Variants in DYNC1I2 observed in about 807,000 individuals in gnomAD.
DYNC1I2 encodes cytoplasmic dynein 1 intermediate chain 2.
Under a neutral mutation model 88.6 loss-of-function variants are expected in DYNC1I2, and 53 were observed. The ratio of observed to expected loss-of-function variants is 0.60; its 90% CI spans 0.48 to 0.75. DYNC1I2 has a LOEUF of 0.75. DYNC1I2 is among the 30% of genes least tolerant of loss of function. The pLI is 0.00. For synonymous variants in DYNC1I2, 198 were observed against 254.6 expected, an observed-to-expected ratio of 0.78 and a Z score of 2.12; for missense variants, 458 against 766.6, an observed-to-expected ratio of 0.60 and a Z score of 4.75.
At chr2:171,723,206 A>G (rs1179575951) in intron 7 of DYNC1I2, among the ~76,000 whole-genome samples, 1 of 152,214 alleles carries the variant, frequency 6.6e-6, no homozygotes, top group Non-Finnish European at 1.5e-5. Flanking sequence ...TAGAGGCCGT[A>G]TAATACAACA....
rs561509071 is a variant in DYNC1I2, at chr2:171,693,770, C to T, written c.226+876C>T. Among the ~76,000 whole-genome samples the T allele has an allele frequency of 2.6e-4, 40 of 152,302 alleles. No individual in the cohort carries two copies. The South Asian group carries it at 8.3e-3, about 32-fold the overall frequency. ...TCAGCTTCATTGTTATTTCTTTCAG[C>T]TCATTTTCCTTTTCTTGTAGAATTT... is the stretch of plus-strand genomic sequence containing the variant. On this transcript the variant is annotated intron_variant, in intron 3 of 17. Coordinates refer to ENST00000397119, the MANE Select transcript of DYNC1I2 (RefSeq NM_001378.3).
At chr2:171,722,918 AAAAC>A (rs1687994061) in intron 7 of DYNC1I2, among the ~76,000 whole-genome samples, 1 of 152,208 alleles carries the variant, frequency 6.6e-6, no homozygotes, top group Non-Finnish European at 1.5e-5. Flanking sequence ...ATTCTAAAAT[AAAAC>A]CCTGAGAGCA....
At chr2:171,721,627 A>AT (rs1687911705) in intron 7 of DYNC1I2, among the ~76,000 whole-genome samples, 1 of 152,190 alleles carries the variant, frequency 6.6e-6, no homozygotes, top group African/African-American at 2.4e-5. Context: ...CATAAGTTGA[A>AT]TTTTTATAAG....
chr2:171,722,533 A>G (rs1048139518), intron 7 of DYNC1I2, among the ~76,000 whole-genome samples: 4 of 152,186 alleles, frequency 2.6e-5, no homozygotes, highest in Admixed American at 2.0e-4. Flanking sequence ...CCAGTTTTAA[A>G]TATAGCTTAT....
At chr2:171,719,801 T>TTACAGAGTAA (rs1291655084) in intron 7 of DYNC1I2, among the ~76,000 whole-genome samples, 1 of 152,260 alleles carries the variant, frequency 6.6e-6, no homozygotes, top group Non-Finnish European at 1.5e-5. Context: ...TTGGTAGTAC[T>TTACAGAGTAA]GTTTCTGAAC....
intron 7 of DYNC1I2, among the ~76,000 whole-genome samples, chr2:171,717,141 C>CTTTTTT (rs71013068): frequency 9.8e-6 from 1 of 102,294 alleles, no homozygotes; most frequent in African/African-American, 3.3e-5. Flanking sequence ...CAAGTATTTT[C>CTTTTTT]TTTTTTTTTT....
intron 7 of DYNC1I2, among the ~76,000 whole-genome samples, chr2:171,722,841 C>G (rs1021673591): frequency 3.3e-5 from 5 of 152,066 alleles, no homozygotes; most frequent in African/African-American, 1.2e-4. Context: ...TTTTATGAAG[C>G]TTAAGTACCA....
intron 15 of DYNC1I2, among the ~76,000 whole-genome samples, chr2:171,742,914 C>A (rs1295818364): frequency 6.6e-6 from 1 of 152,082 alleles, no homozygotes; most frequent in Non-Finnish European, 1.5e-5. Context: ...TTTATAGCAC[C>A]CAGACTGTAC....
At chr2:171,726,720 CAAAT>C (rs1203743650) in intron 10 of DYNC1I2, 67 bp from the exon 11 acceptor site, 1 of 1,562,774 alleles carries the variant, frequency 6.4e-7, no homozygotes, top group Admixed American at 1.8e-5. Flanking sequence ...CTGATAAAGA[CAAAT>C]AACTAGGATT....
chr2:171,689,744 C>T (rs1247251671), intron 1 of DYNC1I2, among the ~76,000 whole-genome samples: 1 of 151,844 alleles, frequency 6.6e-6, no homozygotes, highest in Non-Finnish European at 1.5e-5. Context: ...TTTAGAGACG[C>T]TCTGTTGCCC....
intron 7 of DYNC1I2, among the ~76,000 whole-genome samples, chr2:171,716,056 A>G (rs115279258): frequency 0.027 from 4,103 of 152,250 alleles, 62 homozygotes; most frequent in Middle Eastern, 0.037. Context: ...TAACGATTCA[A>G]GCATAAAGTA....
chr2:171,731,732 C>T (rs996534366), intron 15 of DYNC1I2, among the ~76,000 whole-genome samples: 4 of 152,006 alleles, frequency 2.6e-5, no homozygotes, highest in East Asian at 1.9e-4. Context: ...GTGTGCCCTG[C>T]GATAGAATAG....
At chr2:171,740,534 T>C (rs1308703663) in intron 15 of DYNC1I2, among the ~76,000 whole-genome samples, 4 of 152,200 alleles carry the variant, frequency 2.6e-5, no homozygotes, top group Non-Finnish European at 5.9e-5. Context: ...ATGTGGGTGA[T>C]CAAATGATTT....
At chr2:171,697,221 A>G (rs955696027) in intron 3 of DYNC1I2, among the ~76,000 whole-genome samples, 4 of 151,758 alleles carry the variant, frequency 2.6e-5, no homozygotes, top group Admixed American at 6.6e-5. Flanking sequence ...GGGTCTCACT[A>G]TGTTGCCAGG....
In DYNC1I2 at chr2:171,692,703, A is replaced by G. The variant is rs1574498787; in HGVS notation, c.109-74A>G. 4.9e-6 allele frequency: 5 copies of G among 1,022,494 alleles called. No homozygotes were observed. In the African/African-American group the frequency reaches 6.5e-5, roughly 13 times the overall value. 63.3% of individuals were successfully genotyped at this position (1,022,494 alleles called of 1,614,324 possible). A position where few individuals can be genotyped will look rare whatever the true frequency, so the allele number is the denominator to read the frequency against. On this transcript the variant is annotated intron_variant, in intron 2 of 17. Transcript: ENST00000397119. Reference sequence around the variant, plus strand: ...CCTTAAAAGTATACAGTGTTAGCATATTATTTAAAACATTTTTGCAAACAA... The same window carrying G: ...CCTTAAAAGTATACAGTGTTAGCATGTTATTTAAAACATTTTTGCAAACAA...
chr2:171,715,514 T>A, intron 7 of DYNC1I2, 71 bp downstream of exon 7: 1 of 1,040,626 alleles, frequency 9.6e-7, no homozygotes, highest in Non-Finnish European at 1.4e-6. Flanking sequence ...TTTTTCTTCC[T>A]TTGATTTTTG....
At chr2:171,714,520 G>A (rs1361374177) in intron 6 of DYNC1I2, among the ~76,000 whole-genome samples, 1 of 151,976 alleles carries the variant, frequency 6.6e-6, no homozygotes, top group East Asian at 1.9e-4. Context: ...TTTGGTTTAG[G>A]ATTTAAACAT....
intron 2 of DYNC1I2, among the ~76,000 whole-genome samples, chr2:171,690,797 G>A (rs991293540): frequency 6.6e-6 from 1 of 151,808 alleles, no homozygotes; most frequent in Non-Finnish European, 1.5e-5. Flanking sequence ...TGGGCCTACA[G>A]GCACATGTCA....
At chr2:171,729,914 T>A in intron 15 of DYNC1I2, 61 bp downstream of exon 15, 1 of 1,576,104 alleles carries the variant, frequency 6.3e-7, no homozygotes, top group Non-Finnish European at 8.7e-7. Flanking sequence ...GGTGATCTAA[T>A]ACTACATAGG....
Sources: gnomAD v4.1 joint callset for allele counts (sites outside exome capture counted in the v4.1 genomes callset) on GRCh38, gnomAD v4.1.1 for gene constraint, MANE v1.5 for transcripts, NCBI Gene and HGNC (gene_info 2026-07-23, HGNC 2026-07-21) for gene names.